ULK4: variants seen among roughly 807,000 people sequenced by gnomAD.
The protein encoded by ULK4 is unc-51 like kinase 4.
In ULK4, 133 loss-of-function variants were observed where a neutral mutation model predicts 160.6. The ratio of observed to expected loss-of-function variants is 0.83; its 90% confidence interval spans 0.72 to 0.96. The LOEUF (loss-of-function observed/expected upper bound fraction) is 0.96. Ranked by LOEUF, ULK4 falls within the 40% of genes least tolerant of loss-of-function variation. The pLI is 0.00. For synonymous variants in ULK4, 534 were observed against 539.8 expected (o/e 0.99, Z 0.15); for missense variants, 1,580 against 1,499.5 (o/e 1.05, Z -0.89).
chr3:41,863,887 G>T (rs946921459), intron 17 of ULK4, among the ~76,000 whole-genome samples: 6 of 151,502 alleles, frequency 4.0e-5, no homozygotes, highest in Non-Finnish European at 8.8e-5. Flanking sequence ...TTTTTTTGGA[G>T]CCGCGAGCTA....
rs1023566446 is a variant in ULK4 at position 41,463,248 on chromosome 3, C to T, written c.3232G>A (p.Val1078Ile). The part of the protein sequence containing the change: ...NMELLYEQGL[V>I]SHICNLLTET... ...GTGAGCAGGTTACAGATGTGACTGA[C>T]AAGTCCTGAGGGTAAAAAAGGAAAA... is the stretch of plus-strand genomic sequence containing the variant. Residue 1078 changes from valine to isoleucine, a missense_variant, in exon 33 of 37, where the codon GTC (valine) becomes ATC (isoleucine). Val to Ile is a conservative substitution (Grantham distance 29). Transcript: ENST00000301831. 2 of 1,612,010 alleles carry T rather than the reference C, an allele frequency of 1.2e-6. No individual in the cohort carries two copies. The highest frequency in any genetic ancestry group is 2.2e-5 in the South Asian group (2 of 90,858).
At chr3:41,856,512 A>T (rs7426868) in intron 17 of ULK4, among the ~76,000 whole-genome samples, 13,172 of 99,434 alleles carry the variant, frequency 0.13, 1,102 homozygotes, top group Middle Eastern at 0.31. Flanking sequence ...TAAATAAATA[A>T]ATATATATAT....
At chr3:41,841,586 G>A (rs1026750840) in intron 17 of ULK4, among the ~76,000 whole-genome samples, 1 of 151,960 alleles carries the variant, frequency 6.6e-6, no homozygotes, top group African/African-American at 2.4e-5. Context: ...TCTGGGAAGT[G>A]AGGAGTGCCT....
chr3:41,478,011 A>AAGAGC (rs1165516877), intron 32 of ULK4, among the ~76,000 whole-genome samples: 1 of 152,348 alleles, frequency 6.6e-6, no homozygotes, highest in East Asian at 1.9e-4. Flanking sequence ...CACCAGGCCA[A>AAGAGC]TGCCTTTCAA....
chr3:41,364,112 A>AT (rs1366486253), intron 35 of ULK4, among the ~76,000 whole-genome samples: 1 of 151,996 alleles, frequency 6.6e-6, no homozygotes. Context: ...AAAAATATAT[A>AT]TTTTTTGTAG....
intron 35 of ULK4, among the ~76,000 whole-genome samples, chr3:41,374,805 A>G (rs1387240028): frequency 2.0e-5 from 3 of 152,164 alleles, no homozygotes; most frequent in Admixed American, 1.3e-4. Flanking sequence ...GGCAAGAGAA[A>G]GAAATAAAGG....
At chr3:41,821,979 T>C (rs1467089278) in intron 18 of ULK4, among the ~76,000 whole-genome samples, 1 of 152,132 alleles carries the variant, frequency 6.6e-6, no homozygotes, top group African/African-American at 2.4e-5. Context: ...TACCCACTTC[T>C]CTCTCCTAAT....
At chr3:41,523,867 A>G (rs183980227) in intron 32 of ULK4, among the ~76,000 whole-genome samples, 113 of 152,346 alleles carry the variant, frequency 7.4e-4, no homozygotes, top group African/African-American at 2.6e-3. Flanking sequence ...CCAGAAGTGG[A>G]AACAACCTAT....
intron 21 of ULK4, among the ~76,000 whole-genome samples, chr3:41,776,711 T>G: frequency 8.5e-6 from 1 of 117,182 alleles, no homozygotes; most frequent in African/African-American, 3.6e-5. Flanking sequence ...TCTGTTTATA[T>G]GCTGGATTAC....
intron 34 of ULK4, among the ~76,000 whole-genome samples, chr3:41,413,421 G>A (rs1183196455): frequency 6.6e-6 from 1 of 152,116 alleles, no homozygotes; most frequent in Non-Finnish European, 1.5e-5. Flanking sequence ...AGGCATAATT[G>A]CAAAAGAATG....
intron 30 of ULK4, among the ~76,000 whole-genome samples, chr3:41,644,176 C>G (rs1448072041): frequency 1.3e-5 from 2 of 151,986 alleles, no homozygotes; most frequent in Non-Finnish European, 2.9e-5. Flanking sequence ...TAATTGAATA[C>G]CCTTTATTTC....
intron 27 of ULK4, among the ~76,000 whole-genome samples, chr3:41,689,529 G>A (rs113220641): frequency 1.4e-4 from 21 of 151,934 alleles, no homozygotes; most frequent in African/African-American, 3.9e-4. Context: ...GAAAATTTTC[G>A]CAACCTACTC....
chr3:41,666,325 C>T (rs1432606309), intron 29 of ULK4, among the ~76,000 whole-genome samples: 5 of 152,188 alleles, frequency 3.3e-5, no homozygotes, highest in Admixed American at 1.3e-4. Context: ...TATTCGAAGG[C>T]ACTCTTACCA....
At chr3:41,947,432 AGAG>A (rs2148837036) in intron 2 of ULK4, among the ~76,000 whole-genome samples, 1 of 152,330 alleles carries the variant, frequency 6.6e-6, no homozygotes, top group African/African-American at 2.4e-5. Context: ...TATATGGAGA[AGAG>A]GAGAAAAAAG....
At chr3:41,389,348 T>C (rs932264787) in intron 35 of ULK4, among the ~76,000 whole-genome samples, 2 of 152,126 alleles carry the variant, frequency 1.3e-5, no homozygotes, top group African/African-American at 2.4e-5. Context: ...GTTTTCCTAA[T>C]TGAATGCCCT....
At chr3:41,283,312 A>G (rs1370578753) in intron 35 of ULK4, among the ~76,000 whole-genome samples, 1 of 152,234 alleles carries the variant, frequency 6.6e-6, no homozygotes, top group Non-Finnish European at 1.5e-5. Flanking sequence ...TACCCAAAGG[A>G]GTATACATCA....
At chr3:41,401,239 AT>A (rs920795557) in intron 34 of ULK4, among the ~76,000 whole-genome samples, 1 of 151,930 alleles carries the variant, frequency 6.6e-6, no homozygotes, top group African/African-American at 2.4e-5. Flanking sequence ...TTTCTCCTAT[AT>A]TTTTTTCTAA....
chr3:41,712,074 C>G (rs928390072), intron 25 of ULK4, among the ~76,000 whole-genome samples: 2 of 152,142 alleles, frequency 1.3e-5, no homozygotes, highest in Non-Finnish European at 2.9e-5. Context: ...AAATGCTAGT[C>G]TCTTTAAAAT....
At chr3:41,849,804 A>C (rs2042164364) in intron 17 of ULK4, among the ~76,000 whole-genome samples, 1 of 152,002 alleles carries the variant, frequency 6.6e-6, no homozygotes, top group African/African-American at 2.4e-5. Flanking sequence ...CTAAAACTAC[A>C]TTTTTTTAAA....
Sources: gnomAD v4.1 joint callset for allele counts (sites outside exome capture counted in the v4.1 genomes callset) on GRCh38, gnomAD v4.1.1 for gene constraint, MANE v1.5 for transcripts, NCBI Gene and HGNC (gene_info 2026-07-23, HGNC 2026-07-21) for gene names.